ANKRD55: variants seen among roughly 807,000 people sequenced by gnomAD.
ANKRD55 encodes the protein ankyrin repeat domain-containing protein 55.
In ANKRD55, 41 loss-of-function variants were observed where a neutral mutation model predicts 60.6. That is an observed-to-expected ratio of 0.68 (90% CI 0.53 to 0.88). The LOEUF is 0.88. Ranked by LOEUF, ANKRD55 falls within the 40% of genes least tolerant of loss-of-function variation. ANKRD55 has a pLI of 0.00. For missense variants in ANKRD55, 732 were observed against 767.6 expected (o/e 0.95, Z 0.55); for synonymous variants, 264 against 290.3 (o/e 0.91, Z 0.92).
chr5:56,181,900 C>A (rs1282552216), intron 3 of ANKRD55, among the ~76,000 whole-genome samples: 1 of 152,100 alleles, frequency 6.6e-6, no homozygotes, highest in Non-Finnish European at 1.5e-5. Flanking sequence ...CGGCCTATTT[C>A]TGTATATTAC....
At chr5:56,207,415 C>A (rs1759538861) in intron 2 of ANKRD55, among the ~76,000 whole-genome samples, 1 of 152,190 alleles carries the variant, frequency 6.6e-6, no homozygotes, top group African/African-American at 2.4e-5. Context: ...TGTAATCACA[C>A]TATGTATAGT....
chr5:56,159,680 T>C (rs546171613), intron 6 of ANKRD55, among the ~76,000 whole-genome samples, 153 bp downstream of exon 6: 1 of 152,306 alleles, frequency 6.6e-6, no homozygotes, highest in Admixed American at 6.5e-5. Flanking sequence ...TGAGGATTAA[T>C]AGTGAAAACA....
At chr5:56,157,497 C>A (rs1455968180) in intron 6 of ANKRD55, among the ~76,000 whole-genome samples, 1 of 152,194 alleles carries the variant, frequency 6.6e-6, no homozygotes, top group Non-Finnish European at 1.5e-5. Flanking sequence ...CTGTCTCCTG[C>A]TCCTCCCTGG....
chr5:56,230,975 T>C (rs1374573110), intron 2 of ANKRD55, among the ~76,000 whole-genome samples: 1 of 108,244 alleles, frequency 9.2e-6, no homozygotes, highest in African/African-American at 7.0e-5. Context: ...GTGCTTTTTA[T>C]ATGTTATTAT....
At chr5:56,122,707 A>G (rs1360663801) in intron 8 of ANKRD55, among the ~76,000 whole-genome samples, 2 of 151,966 alleles carry the variant, frequency 1.3e-5, no homozygotes, top group Non-Finnish European at 2.9e-5. Flanking sequence ...TACTGATGTC[A>G]CAAAACTATG....
intron 6 of ANKRD55, among the ~76,000 whole-genome samples, chr5:56,157,547 C>T (rs1233361357): frequency 6.6e-6 from 1 of 152,216 alleles, no homozygotes; most frequent in Non-Finnish European, 1.5e-5. Context: ...TTGTATATTC[C>T]ATCTACTGAG....
intron 9 of ANKRD55, among the ~76,000 whole-genome samples, chr5:56,113,355 A>G (rs984261739): frequency 1.3e-5 from 2 of 151,716 alleles, no homozygotes; most frequent in African/African-American, 4.8e-5. Context: ...GTACTTGCAG[A>G]AAAAAAAAGT....
At chr5:56,110,947 G>A in intron 10 of ANKRD55, 171 bp downstream of exon 10, 3 of 717,364 alleles carry the variant, frequency 4.2e-6, no homozygotes, top group Middle Eastern at 3.3e-4. Flanking sequence ...TGTTTTCACA[G>A]CTCAGAAATC....
intron 6 of ANKRD55, among the ~76,000 whole-genome samples, chr5:56,155,425 C>A (rs1758167281): frequency 6.6e-6 from 1 of 152,062 alleles, no homozygotes; most frequent in South Asian, 2.1e-4. Context: ...CTTTAGGTTA[C>A]TTTTTGTTGT....
intron 5 of ANKRD55, among the ~76,000 whole-genome samples, chr5:56,165,286 G>GAC (rs1430719267): frequency 6.6e-6 from 1 of 152,156 alleles, no homozygotes; most frequent in African/African-American, 2.4e-5. Context: ...GTAAACCTGT[G>GAC]TGCCCGGCAG....
intron 5 of ANKRD55, among the ~76,000 whole-genome samples, chr5:56,166,201 C>T (rs538649862): frequency 1.5e-4 from 18 of 117,488 alleles, no homozygotes; most frequent in African/African-American, 5.9e-4. Flanking sequence ...TTCCTTCCTT[C>T]TCTCTCTCTC....
chr5:56,173,165 C>T (rs1312274554), intron 4 of ANKRD55, among the ~76,000 whole-genome samples: 1 of 152,140 alleles, frequency 6.6e-6, no homozygotes, highest in Non-Finnish European at 1.5e-5. Flanking sequence ...TCGAGGACCA[C>T]CTGGTCTGTG....
At chr5:56,162,649 C>T (rs1758359418) in intron 5 of ANKRD55, among the ~76,000 whole-genome samples, 1 of 147,868 alleles carries the variant, frequency 6.8e-6, no homozygotes, top group African/African-American at 2.5e-5. Context: ...CAACCATCAT[C>T]TCTTGTTGGT....
chr5:56,150,893 C>T (rs961910783), intron 6 of ANKRD55, among the ~76,000 whole-genome samples: 10 of 152,100 alleles, frequency 6.6e-5, no homozygotes, highest in East Asian at 1.9e-4. Flanking sequence ...AGCGAGACTC[C>T]GTCTCAATAA....
In ANKRD55 at chr5:56,135,278, C is replaced by CCCTGCCTGCCTG. The variant is rs1169110153; in HGVS notation, c.613-8184_613-8173dup. On this transcript the variant is annotated intron_variant, in intron 7 of 11. Coordinates refer to ENST00000341048, the MANE Select transcript of ANKRD55 (RefSeq NM_024669.3). Reference sequence around the variant, plus strand: ...TCCTTCCTTCTTTCCCTCCCTCCCTCCCTGCCTGCCTGCTTGCTTTCTTTC... The same window carrying CCCTGCCTGCCTG: ...TCCTTCCTTCTTTCCCTCCCTCCCTCCCTGCCTGCCTGCCTGCCTGCCTGCTTGCTTTCTTTC... Among the ~76,000 whole-genome samples, 37 of 77,020 alleles carry CCCTGCCTGCCTG rather than the reference C, an allele frequency of 4.8e-4. No homozygotes were observed. The East Asian group carries it at 6.5e-3, about 14-fold the overall frequency. The allele number at this position is 77,020 out of a possible 152,430, so 50.5% of individuals were successfully genotyped here.
chr5:56,119,033 A>T (rs1236450067), intron 8 of ANKRD55, among the ~76,000 whole-genome samples: 3 of 152,246 alleles, frequency 2.0e-5, no homozygotes, highest in African/African-American at 7.2e-5. Context: ...CCGAAGTTAA[A>T]CACATACTTA....
At chr5:56,111,965 G>C (rs746174876) in intron 9 of ANKRD55, among the ~76,000 whole-genome samples, 183 bp from the exon 10 acceptor site, 2 of 152,126 alleles carry the variant, frequency 1.3e-5, no homozygotes, top group Non-Finnish European at 2.9e-5. Context: ...TGGCAATCCC[G>C]CCCAGAAGAG....
Position 56,112,504 on chromosome 5 carries a change from C to CAAAAAAA in ANKRD55, c.966-729_966-723dup, listed in dbSNP as rs1187255213. 6.6e-4 allele frequency among the ~76,000 whole-genome samples: 17 copies of CAAAAAAA among 25,656 alleles called. 2 individuals are homozygous for CAAAAAAA. Among genetic ancestry groups the CAAAAAAA allele is most frequent in the African/African-American group, 1.3e-3 (7 of 5,530 alleles). 16.8% of individuals were successfully genotyped at this position (25,656 alleles called of 152,430 possible). A position where few individuals can be genotyped will look rare whatever the true frequency, so the allele number is the denominator to read the frequency against. The stretch of plus-strand genomic sequence containing the variant: ...CAACATGGCAGGATCTCATCTCTAG[C>CAAAAAAA]AAAAAAAAAAAAAAAAAACAACCAA... On this transcript the variant is annotated intron_variant, in intron 9 of 11. Transcript: ENST00000341048.
intron 2 of ANKRD55, among the ~76,000 whole-genome samples, chr5:56,194,386 T>C (rs988027634): frequency 1.3e-5 from 2 of 150,632 alleles, no homozygotes; most frequent in African/African-American, 4.9e-5. Flanking sequence ...AGCTCAAGAG[T>C]TGAGTTTATA....
Sources: gnomAD v4.1 joint callset for allele counts (sites outside exome capture counted in the v4.1 genomes callset) on GRCh38, gnomAD v4.1.1 for gene constraint, MANE v1.5 for transcripts, NCBI Gene and HGNC (gene_info 2026-07-23, HGNC 2026-07-21) for gene names.